The following TYW1 variants were observed in gnomAD, a reference collection of about 807,000 sequenced individuals.
TYW1 encodes S-adenosyl-L-methionine-dependent tRNA 4-demethylwyosine synthase TYW1.
Under a neutral mutation model 96.2 loss-of-function variants are expected in TYW1, and 46 were observed. That is an observed-to-expected ratio of 0.48 (90% CI 0.38 to 0.61). TYW1 has a LOEUF of 0.61. Ranked by LOEUF, TYW1 falls within the 20% of genes least tolerant of loss-of-function variation. TYW1 has a pLI of 0.00. For synonymous variants in TYW1, 274 were observed against 323.0 expected, an observed-to-expected ratio of 0.85 and a Z score of 1.63; for missense variants, 684 against 909.6, an observed-to-expected ratio of 0.75 and a Z score of 3.19.
At chr7:67,051,559 A>G (rs942424327) in intron 8 of TYW1, among the ~76,000 whole-genome samples, 1 of 152,130 alleles carries the variant, frequency 6.6e-6, no homozygotes, top group Non-Finnish European at 1.5e-5. Flanking sequence ...CAATCAAAAC[A>G]TCTATTTAAT....
chr7:67,036,938 G>A (rs991211894), intron 7 of TYW1, among the ~76,000 whole-genome samples: 2 of 152,208 alleles, frequency 1.3e-5, no homozygotes, highest in African/African-American at 2.4e-5. Context: ...GGAGGGAGGA[G>A]GGTGTGGGCC....
chr7:67,091,601 T>C (rs1218558449), intron 11 of TYW1, among the ~76,000 whole-genome samples: 1 of 152,212 alleles, frequency 6.6e-6, no homozygotes, highest in East Asian at 1.9e-4. Context: ...TTTCAATTTC[T>C]GTCATATTTC....
rs780589478 is a variant in TYW1, at chr7:67,024,954, C to T, written c.916C>T (p.Gln306Ter). Residue 306 changes from glutamine to a stop codon, truncating the protein, a stop_gained, in exon 7 of 16, where the codon CAG becomes TAG. Coordinates refer to ENST00000359626, the MANE Select transcript of TYW1 (RefSeq NM_018264.4). LOFTEE classifies it high-confidence loss of function. ...SEEEFGGEDH[Q>*]SLNSIVDVED... ...AGAAGAGTTTGGTGGTGAGGACCAT[C>T]AGAGCCTAAATTCCATTGTTGATGT... 1.2e-6 allele frequency: 2 copies of T among 1,613,892 alleles called. No homozygotes were observed. Among genetic ancestry groups the T allele is most frequent in the Non-Finnish European group, 1.7e-6 (2 of 1,179,850 alleles).
At chr7:67,184,414 T>C (rs948559117) in intron 14 of TYW1, among the ~76,000 whole-genome samples, 4 of 152,036 alleles carry the variant, frequency 2.6e-5, no homozygotes, top group African/African-American at 9.7e-5. Flanking sequence ...AATATTTCAC[T>C]GGTGGTCTTG....
chr7:67,102,271 G>T (rs187607116), intron 12 of TYW1, among the ~76,000 whole-genome samples: 1 of 152,140 alleles, frequency 6.6e-6, no homozygotes, highest in Admixed American at 6.5e-5. Context: ...ATATTTACCC[G>T]AAAACGTCCA....
chr7:67,025,980 A>G (rs1180852833), intron 7 of TYW1, among the ~76,000 whole-genome samples: 1 of 152,250 alleles, frequency 6.6e-6, no homozygotes, highest in East Asian at 1.9e-4. Flanking sequence ...TAGACTTTAT[A>G]TTTCCAAACA....
chr7:67,064,642 G>C (rs1795804171), intron 9 of TYW1, among the ~76,000 whole-genome samples: 1 of 152,152 alleles, frequency 6.6e-6, no homozygotes, highest in Middle Eastern at 3.2e-3. Context: ...GATCTTGTGA[G>C]ACTTATTCAC....
intron 7 of TYW1, among the ~76,000 whole-genome samples, chr7:67,048,236 C>G (rs1422669504): frequency 6.7e-6 from 1 of 150,366 alleles, no homozygotes; most frequent in Non-Finnish European, 1.5e-5. Flanking sequence ...TAGTTTGAAG[C>G]AAATGTCAGA....
chr7:67,045,070 AACTATATAGCATTTT>A (rs1302972857), intron 7 of TYW1, among the ~76,000 whole-genome samples: 2 of 152,224 alleles, frequency 1.3e-5, no homozygotes, highest in Admixed American at 6.5e-5. Context: ...GTCAGTTTCC[AACTATATAGCATTTT>A]ACCTTAAAGT....
At position 67,098,645 on chromosome 7, in the gene TYW1, T is replaced by G. The variant is rs746373624; in HGVS notation, c.1489T>G (p.Phe497Val). The G allele has an allele frequency of 6.2e-7, 1 of 1,613,832 alleles. No homozygotes were observed. Among genetic ancestry groups the G allele is most frequent in the Admixed American group, 1.7e-5 (1 of 59,962 alleles). ...AATAATGTACCCAGAGATCAACAGG[T>G]TTTTGAAGCTACTCCACCAGTGTAA... ...EPIMYPEINR[F>V]LKLLHQCKIS... The change falls in exon 12 of 16, where the codon TTT becomes GTT. Residue 497 changes from phenylalanine to valine, a missense_variant. By Grantham distance (50) the Phe-to-Val change is conservative. Coordinates refer to ENST00000359626, the MANE Select transcript of TYW1 (RefSeq NM_018264.4).
intron 12 of TYW1, among the ~76,000 whole-genome samples, chr7:67,110,449 G>T (rs912649320): frequency 6.6e-6 from 1 of 152,120 alleles, no homozygotes; most frequent in Non-Finnish European, 1.5e-5. Context: ...AAGGCTGGGA[G>T]GCTTACCAGT....
At chr7:67,011,901 T>C (rs1351248534) in intron 4 of TYW1, among the ~76,000 whole-genome samples, 1 of 148,532 alleles carries the variant, frequency 6.7e-6, no homozygotes, top group African/African-American at 2.5e-5. Flanking sequence ...AAGCAGCACA[T>C]AGAGCTGGGG....
chr7:67,190,430 G>T (rs1237830207), intron 14 of TYW1, among the ~76,000 whole-genome samples: 1 of 152,222 alleles, frequency 6.6e-6, no homozygotes, highest in Non-Finnish European at 1.5e-5. Context: ...GCCCTCAAAG[G>T]GCTCAGAGTT....
chr7:67,069,902 T>C (rs1310647920), intron 10 of TYW1, among the ~76,000 whole-genome samples: 2 of 152,342 alleles, frequency 1.3e-5, no homozygotes, highest in Admixed American at 6.5e-5. Flanking sequence ...CTCCCTTTAG[T>C]ATTTATCGTA....
At chr7:67,236,825 TTTC>T (rs1198293817) in intron 15 of TYW1, among the ~76,000 whole-genome samples, 1 of 138,792 alleles carries the variant, frequency 7.2e-6, no homozygotes, top group Non-Finnish European at 1.6e-5. Flanking sequence ...ATGTATTTTC[TTTC>T]TTTTTTTTGT....
intron 13 of TYW1, among the ~76,000 whole-genome samples, chr7:67,128,278 G>A (rs1457966143): frequency 6.6e-6 from 1 of 152,058 alleles, no homozygotes; most frequent in Non-Finnish European, 1.5e-5. Context: ...GGTTTCTGTT[G>A]AGAATCCTTA....
At chr7:67,223,639 T>A (rs1470744124) in intron 15 of TYW1, among the ~76,000 whole-genome samples, 1 of 149,954 alleles carries the variant, frequency 6.7e-6, no homozygotes, top group African/African-American at 2.5e-5. Flanking sequence ...TGGCTGCCTC[T>A]ATTCCACCCT....
In TYW1 at chr7:67,050,534, C is replaced by G. The variant is rs1795320703; in HGVS notation, c.1102+468C>G. Among the ~76,000 whole-genome samples the G allele has an allele frequency of 2.6e-5, 4 of 151,650 alleles. No individual in the cohort carries two copies. In the South Asian group the frequency reaches 6.2e-4, roughly 24 times the overall value. Reference sequence around the variant, plus strand: ...CGACCTCCTTTCCTTCATCCCCCTCCCCACTTCCCCTCTATATTTATGAGA... The same window carrying G: ...CGACCTCCTTTCCTTCATCCCCCTCGCCACTTCCCCTCTATATTTATGAGA... On this transcript the variant is annotated intron_variant, in intron 8 of 15. Coordinates refer to ENST00000359626, the MANE Select transcript of TYW1 (RefSeq NM_018264.4).
intron 13 of TYW1, among the ~76,000 whole-genome samples, chr7:67,126,508 C>G (rs961096863): frequency 6.6e-6 from 1 of 152,104 alleles, no homozygotes; most frequent in Admixed American, 6.6e-5. Flanking sequence ...TGGGTCATGC[C>G]TTTGGTTTGC....
Sources: gnomAD v4.1 joint callset for allele counts (sites outside exome capture counted in the v4.1 genomes callset) on GRCh38, gnomAD v4.1.1 for gene constraint, MANE v1.5 for transcripts, NCBI Gene and HGNC (gene_info 2026-07-23, HGNC 2026-07-21) for gene names.